Variants in GTF2IRD1 observed in about 807,000 individuals in gnomAD.
The protein encoded by GTF2IRD1 is general transcription factor II-I repeat domain-containing protein 1.
Under a neutral mutation model 113.2 loss-of-function variants are expected in GTF2IRD1, and 26 were observed. That is an observed-to-expected ratio of 0.23 (90% confidence interval 0.17 to 0.32). The LOEUF (loss-of-function observed/expected upper bound fraction) is 0.32. Ranked by LOEUF, GTF2IRD1 falls within the 10% of genes least tolerant of loss-of-function variation. The probability of loss-of-function intolerance (pLI) is 1.00; values close to 1 mark genes in which losing one functional copy is unlikely to be tolerated. For synonymous variants in GTF2IRD1, 484 were observed against 529.1 expected, an observed-to-expected ratio of 0.91 and a Z score of 1.17; for missense variants, 864 against 1,280.8, an observed-to-expected ratio of 0.67 and a Z score of 4.97.
chr7:74,503,870 A>G (rs192903959), intron 1 of GTF2IRD1, among the ~76,000 whole-genome samples: 1 of 152,322 alleles, frequency 6.6e-6, no homozygotes, highest in East Asian at 1.9e-4. Flanking sequence ...GGCAGTGAGC[A>G]TAGCACCCAA....
At chr7:74,564,496 A>C (rs1800172393) in intron 22 of GTF2IRD1, among the ~76,000 whole-genome samples, 1 of 152,176 alleles carries the variant, frequency 6.6e-6, no homozygotes, top group Non-Finnish European at 1.5e-5. Flanking sequence ...TATACCTATA[A>C]TCCCAGCATT....
intron 22 of GTF2IRD1, among the ~76,000 whole-genome samples, chr7:74,575,080 A>G (rs781826999): frequency 1.5e-4 from 20 of 135,854 alleles, no homozygotes; most frequent in Non-Finnish European, 2.5e-4. Flanking sequence ...ACAAGAGCGA[A>G]ACTCCGTCTC....
chr7:74,510,799 A>G (rs1202989298), intron 2 of GTF2IRD1, among the ~76,000 whole-genome samples: 1 of 151,928 alleles, frequency 6.6e-6, no homozygotes, highest in East Asian at 1.9e-4. Context: ...ATATAATCCC[A>G]GCACCCTGAG....
chr7:74,508,711 C>G (rs888460382), intron 2 of GTF2IRD1, among the ~76,000 whole-genome samples: 2 of 139,072 alleles, frequency 1.4e-5, no homozygotes, highest in Admixed American at 7.5e-5. Flanking sequence ...AAAAAAAAAT[C>G]TAGCCCTGGA....
At chr7:74,515,416 G>C in intron 3 of GTF2IRD1, 25 bp from the exon 4 acceptor site, 1 of 1,559,400 alleles carries the variant, frequency 6.4e-7, no homozygotes, top group Non-Finnish European at 8.7e-7. Context: ...GCTCACTGTG[G>C]CCTCGCGTGC....
chr7:74,493,368 C>T (rs553476968), intron 1 of GTF2IRD1, among the ~76,000 whole-genome samples: 5 of 151,696 alleles, frequency 3.3e-5, no homozygotes, highest in African/African-American at 7.3e-5. Context: ...TGCCTTGGCC[C>T]CCAAAGTGCT....
chr7:74,486,863 C>T (rs1795058776), intron 1 of GTF2IRD1, among the ~76,000 whole-genome samples: 1 of 151,986 alleles, frequency 6.6e-6, no homozygotes, highest in Non-Finnish European at 1.5e-5. Context: ...CCTGTAATCC[C>T]AGCTACTCAG....
rs1044370909 is a variant in GTF2IRD1 at position 74,468,870 on chromosome 7, G to A, written c.-7+14694G>A. ...GAGGCCAAGGCAGGCAGATCATGAG[G>A]TCAGGAGAGCGAGACCATCCTGGCT... On this transcript the variant is annotated intron_variant, in intron 1 of 26. Transcript: ENST00000424337. Among the ~76,000 whole-genome samples, 12 of 151,948 alleles carry A rather than the reference G, an allele frequency of 7.9e-5. 1 individual carries two copies. The South Asian group carries it at 2.3e-3, about 29-fold the overall frequency.
intron 11 of GTF2IRD1, among the ~76,000 whole-genome samples, 182 bp from the exon 12 acceptor site, chr7:74,537,954 C>T (rs781858014): frequency 2.0e-5 from 3 of 152,214 alleles, no homozygotes; most frequent in Admixed American, 6.5e-5. Context: ...AGACAAGACA[C>T]GGGGAATCTG....
intron 11 of GTF2IRD1, among the ~76,000 whole-genome samples, chr7:74,537,310 G>A (rs587776305): frequency 9.2e-5 from 14 of 152,128 alleles, no homozygotes; most frequent in Admixed American, 7.2e-4. Flanking sequence ...CCACTCGGGA[G>A]GTTGAGGCAG....
At chr7:74,468,956 G>T (rs1474709970) in intron 1 of GTF2IRD1, among the ~76,000 whole-genome samples, 3 of 151,580 alleles carry the variant, frequency 2.0e-5, no homozygotes, top group Non-Finnish European at 2.9e-5. Flanking sequence ...GTGATGGTGG[G>T]CGCCTGTAGT....
chr7:74,481,229 G>A (rs1182957748), intron 1 of GTF2IRD1, among the ~76,000 whole-genome samples: 1 of 152,106 alleles, frequency 6.6e-6, no homozygotes, highest in African/African-American at 2.4e-5. Context: ...ATCCCAGTTC[G>A]ATGCATTCTT....
intron 2 of GTF2IRD1, among the ~76,000 whole-genome samples, chr7:74,510,952 G>A (rs139023375): frequency 2.0e-5 from 3 of 152,158 alleles, no homozygotes; most frequent in African/African-American, 7.2e-5. Context: ...GGGAGGCCGA[G>A]GCAGGAGAAT....
At position 74,512,694 on chromosome 7, in the gene GTF2IRD1, A is replaced by G. The variant is rs1554343330; in HGVS notation, c.124-136A>G. On this transcript the variant is annotated intron_variant, in intron 2 of 26. Transcript: ENST00000424337. This position sits in a 1 kb window ranked among gnomAD's most constrained non-coding sequence, Gnocchi z 4.4. The stretch of plus-strand genomic sequence containing the variant: ...TACAGAATCTGAGACCAAGAACAGT[A>G]GAGGGGCCGTCTGTCCCTGGAGCTG... 1.4e-6 allele frequency: 1 copy of G among 726,776 alleles called. No individual in the cohort carries two copies. Among genetic ancestry groups the G allele is most frequent in the Non-Finnish European group, 2.3e-6 (1 of 442,980 alleles). The allele number at this position is 726,776 out of a possible 1,614,324, so 45.0% of individuals were successfully genotyped here. A position where few individuals can be genotyped will look rare whatever the true frequency, so the allele number is the denominator to read the frequency against.
At chr7:74,592,402 G>GC (rs1269724159) in intron 24 of GTF2IRD1, among the ~76,000 whole-genome samples, 3 of 151,184 alleles carry the variant, frequency 2.0e-5, no homozygotes, top group South Asian at 2.1e-4. Flanking sequence ...ACCACACCCA[G>GC]CCCCCCCTTT....
intron 11 of GTF2IRD1, among the ~76,000 whole-genome samples, chr7:74,537,184 C>G (rs1798347590): frequency 2.0e-5 from 3 of 152,084 alleles, no homozygotes; most frequent in African/African-American, 7.2e-5. Flanking sequence ...CTGAGCCAGG[C>G]AGATCACCTG....
At chr7:74,578,216 C>T (rs1562887035) in intron 22 of GTF2IRD1, among the ~76,000 whole-genome samples, 1 of 152,200 alleles carries the variant, frequency 6.6e-6, no homozygotes, top group Non-Finnish European at 1.5e-5. Context: ...GAGTCTCGCA[C>T]TGTCGCCCAG....
In GTF2IRD1 at chr7:74,535,104, T is replaced by C. The variant is rs2130527162; in HGVS notation, c.1275-9T>C. ...ACTGTTCTCATGCCTGTCTCTCTTC[T>C]CTCCCCAGGATGTTTGATGAGCGAA... On this transcript the variant is annotated splice_polypyrimidine_tract_variant and intron_variant, in intron 9 of 26. Transcript: ENST00000424337. 3.1e-6 allele frequency: 5 copies of C among 1,612,232 alleles called. No homozygotes were observed. The South Asian group carries it at 3.3e-5, about 11-fold the overall frequency.
At chr7:74,601,622 A>C (rs1802775905) in intron 26 of GTF2IRD1, 14 of 459,468 alleles carry the variant, frequency 3.0e-5, no homozygotes, top group Non-Finnish European at 4.2e-5. Context: ...AAAATACAAA[A>C]TTAGCCGGGC....
Sources: gnomAD v4.1 joint callset for allele counts (sites outside exome capture counted in the v4.1 genomes callset) on GRCh38, gnomAD v4.1.1 for gene constraint, Gnocchi (gnomAD v3.1) non-coding constraint, MANE v1.5 for transcripts, NCBI Gene and HGNC (gene_info 2026-07-23, HGNC 2026-07-21) for gene names.